The following SORD variants were observed in gnomAD, a reference collection of about 807,000 sequenced individuals.
The protein encoded by SORD is sorbitol dehydrogenase.
SORD carries 18 observed loss-of-function variants against 35.6 expected under a neutral mutation model. The observed-to-expected ratio is 0.51, with a 90% CI of 0.35 to 0.75. The LOEUF (loss-of-function observed/expected upper bound fraction) is 0.75, where lower values mean the gene tolerates loss of function less well. Among genes scored for constraint, SORD ranks in the 30% least tolerant of loss-of-function variants. The pLI is 0.01. For synonymous variants in SORD, 106 were observed against 152.9 expected, an observed-to-expected ratio of 0.69 and a Z score of 2.26; for missense variants, 250 against 390.2, an observed-to-expected ratio of 0.64 and a Z score of 3.03.
intron 4 of SORD, among the ~76,000 whole-genome samples, chr15:45,061,663 C>G (rs138018407): frequency 1.3e-5 from 2 of 151,750 alleles, no homozygotes; most frequent in East Asian, 1.9e-4. Flanking sequence ...ATTAGGAGAT[C>G]GAGACCTTCC....
intron 1 of SORD, chr15:45,036,170 G>A (rs1892862427): frequency 3.0e-6 from 1 of 328,290 alleles, no homozygotes; most frequent in Non-Finnish European, 5.9e-6. Context: ...AACAAACTCC[G>A]GACACGCCCC....
chr15:45,061,441 A>G (rs1010090983), intron 4 of SORD, among the ~76,000 whole-genome samples: 1 of 152,156 alleles, frequency 6.6e-6, no homozygotes, highest in Non-Finnish European at 1.5e-5. Context: ...TTTCAGTTTC[A>G]GTTTCCCTTA....
intron 1 of SORD, among the ~76,000 whole-genome samples, chr15:45,037,163 G>A (rs754256554): frequency 1.1e-4 from 16 of 152,370 alleles, no homozygotes; most frequent in Admixed American, 6.5e-4. Flanking sequence ...GAAAAAGAAA[G>A]TTGGTGTGCA....
At chr15:45,033,543 AT>A (rs1892816490) in intron 1 of SORD, among the ~76,000 whole-genome samples, 3 of 149,350 alleles carry the variant, frequency 2.0e-5, no homozygotes, top group African/African-American at 7.3e-5. Context: ...AAAAGATAAA[AT>A]GACTGCAATT....
intron 1 of SORD, chr15:45,036,211 T>C (rs2141266610): frequency 2.5e-6 from 1 of 400,188 alleles, no homozygotes; most frequent in Non-Finnish European, 4.9e-6. Context: ...AATGCGAGGG[T>C]CCGCAGCTTC....
At chr15:45,053,096 G>A (rs1403711460) in intron 3 of SORD, among the ~76,000 whole-genome samples, 1 of 152,180 alleles carries the variant, frequency 6.6e-6, no homozygotes, top group Admixed American at 6.5e-5. Context: ...CAAGCAGAGA[G>A]CAAAGTCTTC....
At chr15:45,027,050 G>A (rs752855134) in intron 1 of SORD, among the ~76,000 whole-genome samples, 6 of 152,240 alleles carry the variant, frequency 3.9e-5, no homozygotes, top group Non-Finnish European at 8.8e-5. Context: ...GCAAGGAGGA[G>A]CATTTATAAA....
chr15:45,053,220 CA>C (rs1893157532), intron 3 of SORD, among the ~76,000 whole-genome samples: 1 of 152,122 alleles, frequency 6.6e-6, no homozygotes, highest in Non-Finnish European at 1.5e-5. Flanking sequence ...CCTTTGAAAC[CA>C]GCAAAAAGGA....
intron 4 of SORD, among the ~76,000 whole-genome samples, chr15:45,063,077 G>A (rs921328696): frequency 6.9e-6 from 1 of 144,438 alleles, no homozygotes; most frequent in African/African-American, 2.6e-5. Flanking sequence ...GGCTCTGGCT[G>A]GCAGTGGCAG....
chr15:45,025,462 A>ACT (rs908870965), intron 1 of SORD, among the ~76,000 whole-genome samples: 2 of 152,038 alleles, frequency 1.3e-5, no homozygotes, highest in Non-Finnish European at 2.9e-5. Context: ...ACACGGTGAA[A>ACT]CTGTCTCTAC....
At chr15:45,046,357 C>T (rs1422298051) in intron 3 of SORD, among the ~76,000 whole-genome samples, 3 of 152,202 alleles carry the variant, frequency 2.0e-5, no homozygotes, top group African/African-American at 7.2e-5. Flanking sequence ...ATTCTTGTGC[C>T]TCAGCCTCCT....
chr15:45,066,686 C>G (rs969366265), intron 5 of SORD, among the ~76,000 whole-genome samples: 1 of 152,194 alleles, frequency 6.6e-6, no homozygotes, highest in Non-Finnish European at 1.5e-5. Flanking sequence ...CGCTCACGCT[C>G]CTTGTGGGTG....
chr15:45,046,893 C>A (rs569319879), intron 3 of SORD, among the ~76,000 whole-genome samples: 4 of 152,240 alleles, frequency 2.6e-5, no homozygotes, highest in African/African-American at 9.6e-5. Context: ...TGGCATGCAT[C>A]TGTAATCCCA....
At chr15:45,031,240 C>A (rs113642743) in intron 1 of SORD, among the ~76,000 whole-genome samples, 1 of 152,072 alleles carries the variant, frequency 6.6e-6, no homozygotes, top group African/African-American at 2.4e-5. Context: ...ATCGTTTGAG[C>A]CCAGGAGTTC....
chr15:45,038,270 GA>G (rs1892906564), intron 1 of SORD, among the ~76,000 whole-genome samples: 1 of 151,862 alleles, frequency 6.6e-6, no homozygotes, highest in African/African-American at 2.4e-5. Context: ...GGCTGCTTTG[GA>G]TGCAGCTCCA....
intron 1 of SORD, among the ~76,000 whole-genome samples, chr15:45,025,875 T>C (rs945847215): frequency 6.6e-6 from 1 of 152,336 alleles, no homozygotes; most frequent in South Asian, 2.1e-4. Flanking sequence ...CAGTTCATAG[T>C]GCTATCTTGC....
At position 45,053,031 on chromosome 15, in the gene SORD, A is replaced by G. The variant is rs142710712; in HGVS notation, c.266-8036A>G. On this transcript the variant is annotated intron_variant, in intron 3 of 8. Transcript: ENST00000267814. The stretch of plus-strand genomic sequence containing the variant: ...TCGAGAATACAGAGAGAAAATTGAG[A>G]CAGAGCTAAGAGATACTGTCTCTTT... Among the ~76,000 whole-genome samples the G allele has an allele frequency of 3.6e-4, 55 of 152,314 alleles. No homozygotes were observed. The East Asian group carries it at 9.6e-3, about 27-fold the overall frequency.
intron 7 of SORD, chr15:45,070,020 C>T (rs1172349330): frequency 6.6e-6 from 1 of 152,154 alleles, no homozygotes; most frequent in Non-Finnish European, 1.5e-5. Context: ...GGTTCCAAGC[C>T]CTACTGTACG....
In SORD at chr15:45,065,212, T is replaced by G. The variant is rs2854437; in HGVS notation, c.426-59T>G. 0.85 allele frequency: 1,134,010 copies of G among 1,338,404 alleles called. 493,689 individuals carry two copies. The highest frequency in any genetic ancestry group is 0.9 in the South Asian group (70,911 of 78,608). The allele number at this position is 1,338,404 out of a possible 1,614,324, so 82.9% of individuals were successfully genotyped here. A position where few individuals can be genotyped will look rare whatever the true frequency, so the allele number is the denominator to read the frequency against. ...TTACAGTGACATTGGGCATATATAA[T>G]ACTATTGTTAGCATTGTAGTTAACT... On this transcript the variant is annotated intron_variant, in intron 4 of 8. Coordinates refer to ENST00000267814, the MANE Select transcript of SORD (RefSeq NM_003104.6).
Sources: allele counts gnomAD v4.1 joint callset (sites outside exome capture counted in the v4.1 genomes callset), GRCh38; gene constraint gnomAD v4.1.1; transcripts MANE v1.5; gene names NCBI Gene and HGNC (gene_info 2026-07-23, HGNC 2026-07-21).